RSU1: variants seen among roughly 807,000 people sequenced by gnomAD.
The protein encoded by RSU1 is rsu-1.
Under a neutral mutation model 31.1 loss-of-function variants are expected in RSU1, and 26 were observed. The ratio of observed to expected loss-of-function variants is 0.84; its 90% confidence interval spans 0.61 to 1.16. RSU1 has a LOEUF of 1.16. RSU1 is among the 50% of genes most tolerant of loss of function. RSU1 has a pLI of 0.00. For synonymous variants in RSU1, 164 were observed against 136.3 expected, an observed-to-expected ratio of 1.20 and a Z score of -1.41; for missense variants, 320 against 339.1, an observed-to-expected ratio of 0.94 and a Z score of 0.44.
chr10:16,781,645 A>G (rs1837652066), intron 3 of RSU1, among the ~76,000 whole-genome samples: 1 of 152,220 alleles, frequency 6.6e-6, no homozygotes, highest in Non-Finnish European at 1.5e-5. Flanking sequence ...AACCACTTCC[A>G]GAGCAACAAT....
chr10:16,697,088 G>A (rs1001341207), intron 7 of RSU1, among the ~76,000 whole-genome samples: 7 of 152,028 alleles, frequency 4.6e-5, no homozygotes, highest in South Asian at 2.1e-4. Flanking sequence ...CTGATGTGTC[G>A]TATTTTATGT....
At chr10:16,744,027 G>T (rs1340200868) in intron 7 of RSU1, among the ~76,000 whole-genome samples, 2 of 151,884 alleles carry the variant, frequency 1.3e-5, no homozygotes, top group Non-Finnish European at 2.9e-5. Context: ...CTACTTGGAA[G>T]GCTGAGGTGC....
chr10:16,663,988 T>C (rs905570537), intron 8 of RSU1, among the ~76,000 whole-genome samples: 1 of 152,110 alleles, frequency 6.6e-6, no homozygotes, highest in Non-Finnish European at 1.5e-5. Context: ...AGAAGAGTAG[T>C]TCAATTACTC....
chr10:16,626,929 C>G (rs144939940), intron 8 of RSU1, among the ~76,000 whole-genome samples: 56 of 152,272 alleles, frequency 3.7e-4, no homozygotes, highest in African/African-American at 1.3e-3. Context: ...GTCGTGGAAA[C>G]GAAAATCCTG....
At chr10:16,713,065 G>C (rs1836056128) in intron 7 of RSU1, among the ~76,000 whole-genome samples, 1 of 152,162 alleles carries the variant, frequency 6.6e-6, no homozygotes, top group African/African-American at 2.4e-5. Context: ...CAAGGTTTCT[G>C]CTGAGAAATC....
chr10:16,687,872 A>G (rs984744754), intron 8 of RSU1, among the ~76,000 whole-genome samples: 14 of 152,218 alleles, frequency 9.2e-5, no homozygotes, highest in African/African-American at 2.6e-4. Context: ...GGCATGTGCC[A>G]CCATGCCCGG....
At chr10:16,615,451 C>T (rs373047575) in intron 8 of RSU1, among the ~76,000 whole-genome samples, 11 of 152,238 alleles carry the variant, frequency 7.2e-5, no homozygotes, top group Middle Eastern at 3.4e-3. Context: ...TTTAACACCC[C>T]ACTGTCCATA....
chr10:16,798,238 A>T (rs1838081764), intron 2 of RSU1, among the ~76,000 whole-genome samples: 1 of 152,018 alleles, frequency 6.6e-6, no homozygotes, highest in South Asian at 2.1e-4. Flanking sequence ...CAACATACAG[A>T]CCCCAGAAAA....
At chr10:16,658,156 A>C (rs1834825131) in intron 8 of RSU1, among the ~76,000 whole-genome samples, 1 of 152,096 alleles carries the variant, frequency 6.6e-6, no homozygotes, top group African/African-American at 2.4e-5. Context: ...TATTCCAATC[A>C]CTACATATTT....
intron 7 of RSU1, among the ~76,000 whole-genome samples, chr10:16,718,850 G>C (rs368077470): frequency 6.6e-6 from 1 of 151,828 alleles, no homozygotes; most frequent in South Asian, 2.1e-4. Flanking sequence ...GCATGGTGGC[G>C]GACACATGTA....
chr10:16,676,096 T>C (rs1159549818), intron 8 of RSU1, among the ~76,000 whole-genome samples: 1 of 152,312 alleles, frequency 6.6e-6, no homozygotes, highest in South Asian at 2.1e-4. Flanking sequence ...CTAGTAAGTA[T>C]TCTAGAGAAA....
chr10:16,782,086 T>C lies in RSU1; in HGVS notation c.110-2A>G. The C allele has an allele frequency of 2.5e-6, 4 of 1,591,542 alleles. No individual in the cohort carries two copies. Among genetic ancestry groups the C allele is most frequent in the Non-Finnish European group, 3.4e-6 (4 of 1,171,004 alleles). ...GTTGTGTGATATGGGATAAGGTAAC[T>C]AAAAAGAAAAGAAAAAAAAAAAGGT... On this transcript the variant is annotated splice_acceptor_variant, in intron 2 of 8. Transcript: ENST00000345264. LOFTEE classifies it high-confidence loss of function.
chr10:16,750,493 G>A (rs1836955711), intron 7 of RSU1, among the ~76,000 whole-genome samples: 1 of 152,128 alleles, frequency 6.6e-6, no homozygotes. Flanking sequence ...AATAAGATAA[G>A]CAAAATGAGT....
chr10:16,764,247 A>C (rs976415150), intron 4 of RSU1, 143 bp downstream of exon 4: 13 of 951,240 alleles, frequency 1.4e-5, no homozygotes, highest in Middle Eastern at 2.8e-4. Flanking sequence ...AAAACAATAA[A>C]ATTTTTTTAA....
chr10:16,651,662 A>AT (rs1193883200), intron 8 of RSU1, among the ~76,000 whole-genome samples: 1 of 152,260 alleles, frequency 6.6e-6, no homozygotes, highest in Non-Finnish European at 1.5e-5. Flanking sequence ...AACAGTTCTA[A>AT]TAAGTAGTGC....
chr10:16,645,936 GTGTATATATATGTGTA>G (rs1834546631), intron 8 of RSU1, among the ~76,000 whole-genome samples: 1 of 8,124 alleles, frequency 1.2e-4, no homozygotes, highest in African/African-American at 4.0e-4. Flanking sequence ...ATACACATAT[GTGTATATATATGTGTA>G]TATACATATA....
At chr10:16,675,028 G>T (rs1055036948) in intron 8 of RSU1, among the ~76,000 whole-genome samples, 2 of 151,680 alleles carry the variant, frequency 1.3e-5, no homozygotes, top group East Asian at 3.9e-4. Flanking sequence ...GTGAGACCCT[G>T]TATCAAAAAT....
chr10:16,727,330 A>T (rs1836419860), intron 7 of RSU1, among the ~76,000 whole-genome samples: 1 of 152,198 alleles, frequency 6.6e-6, no homozygotes, highest in Non-Finnish European at 1.5e-5. Flanking sequence ...ATCAAACTTA[A>T]AAAACATGCT....
intron 8 of RSU1, among the ~76,000 whole-genome samples, chr10:16,622,844 G>T (rs1834092609): frequency 6.6e-6 from 1 of 152,204 alleles, no homozygotes; most frequent in Admixed American, 6.5e-5. Flanking sequence ...CAGGGCCCCT[G>T]AACAGGACCC....
Sources: gnomAD v4.1 joint callset for allele counts (sites outside exome capture counted in the v4.1 genomes callset) on GRCh38, gnomAD v4.1.1 for gene constraint, MANE v1.5 for transcripts, NCBI Gene and HGNC (gene_info 2026-07-23, HGNC 2026-07-21) for gene names.